The following NAALADL2 variants were observed in gnomAD, a reference collection of about 807,000 sequenced individuals.
NAALADL2 encodes inactive N-acetylated-alpha-linked acidic dipeptidase-like protein 2.
NAALADL2 carries 76 observed loss-of-function variants against 87.2 expected under a neutral mutation model. The observed-to-expected ratio is 0.87, with a 90% CI of 0.72 to 1.05. The LOEUF is 1.05. NAALADL2 is among the 50% of genes least tolerant of loss of function. The probability of loss-of-function intolerance (pLI) is 0.00; values close to 1 mark genes in which losing one functional copy is unlikely to be tolerated. For synonymous variants in NAALADL2, 354 were observed against 331.0 expected, an observed-to-expected ratio of 1.07 and a Z score of -0.75; for missense variants, 1,089 against 945.8, an observed-to-expected ratio of 1.15 and a Z score of -1.99.
intron 1 of NAALADL2, among the ~76,000 whole-genome samples, chr3:175,046,975 G>T (rs1029004171): frequency 4.6e-5 from 7 of 152,170 alleles, no homozygotes; most frequent in Non-Finnish European, 1.0e-4. Flanking sequence ...AGAAGATTCA[G>T]TGTCTGGCAA....
chr3:175,319,825 A>G (rs1251517162), intron 4 of NAALADL2, among the ~76,000 whole-genome samples: 1 of 152,210 alleles, frequency 6.6e-6, no homozygotes, highest in Non-Finnish European at 1.5e-5. Context: ...GTTTCAAAAA[A>G]TAAAAATAAA....
At chr3:174,726,686 C>T (rs1416119869) in intron 2 of NAALADL2, among the ~76,000 whole-genome samples, 1 of 152,060 alleles carries the variant, frequency 6.6e-6, no homozygotes, top group African/African-American at 2.4e-5. Context: ...TTCCTTCCTT[C>T]ATCATCAAAC....
intron 4 of NAALADL2, among the ~76,000 whole-genome samples, chr3:175,259,877 AAT>A (rs1750717663): frequency 6.6e-6 from 1 of 152,128 alleles, no homozygotes; most frequent in Non-Finnish European, 1.5e-5. Flanking sequence ...AAAATTCAAA[AAT>A]TAGCTGGGTG....
At chr3:175,411,888 G>C (rs763572143) in intron 5 of NAALADL2, among the ~76,000 whole-genome samples, 8 of 152,064 alleles carry the variant, frequency 5.3e-5, no homozygotes, top group Non-Finnish European at 1.2e-4. Context: ...TGTGAAGATT[G>C]CTTGCAAGAT....
chr3:174,654,860 T>C (rs552817513), intron 2 of NAALADL2, among the ~76,000 whole-genome samples: 363 of 152,184 alleles, frequency 2.4e-3, no homozygotes, highest in Non-Finnish European at 4.4e-3. Context: ...CTCAGCCTCC[T>C]GAGTATCTGG....
At chr3:175,256,694 T>C in intron 4 of NAALADL2, 164 bp downstream of exon 4, 1 of 510,728 alleles carries the variant, frequency 2.0e-6, no homozygotes, top group Non-Finnish European at 3.3e-6. Flanking sequence ...AAAGATGGCT[T>C]TTCCACATTA....
chr3:175,143,575 A>G (rs867532497), intron 2 of NAALADL2, among the ~76,000 whole-genome samples: 3 of 150,512 alleles, frequency 2.0e-5, no homozygotes, highest in Middle Eastern at 3.4e-3. Context: ...AAAAAAGACA[A>G]TGAAACTACC....
At chr3:174,909,419 A>T (rs1353664448) in intron 1 of NAALADL2, among the ~76,000 whole-genome samples, 1 of 152,114 alleles carries the variant, frequency 6.6e-6, no homozygotes, top group South Asian at 2.1e-4. Flanking sequence ...AGAGCACTCT[A>T]TACACACCAG....
At chr3:175,438,657 A>T (rs1193210226) in intron 5 of NAALADL2, among the ~76,000 whole-genome samples, 1 of 152,076 alleles carries the variant, frequency 6.6e-6, no homozygotes, top group African/African-American at 2.4e-5. Flanking sequence ...ATAATAAATT[A>T]TAATAGTTAA....
At chr3:174,608,395 A>T (rs1210777530) in intron 2 of NAALADL2, among the ~76,000 whole-genome samples, 1 of 152,032 alleles carries the variant, frequency 6.6e-6, no homozygotes, top group Admixed American at 6.6e-5. Flanking sequence ...TTTTGAAAGG[A>T]TCAACAAAAT....
intron 1 of NAALADL2, among the ~76,000 whole-genome samples, chr3:174,461,464 A>G (rs1316376161): frequency 8.4e-6 from 1 of 119,470 alleles, no homozygotes; most frequent in Non-Finnish European, 1.7e-5. Context: ...TTGCACCTTT[A>G]TCCCCCTTGA....
chr3:175,039,200 C>T (rs1024660353), intron 1 of NAALADL2, among the ~76,000 whole-genome samples: 2 of 152,120 alleles, frequency 1.3e-5, no homozygotes, highest in South Asian at 2.1e-4. Context: ...GAGTTTTGCT[C>T]TTGTAGCCCA....
chr3:175,100,164 T>C (rs986911028), intron 2 of NAALADL2, among the ~76,000 whole-genome samples: 21 of 152,102 alleles, frequency 1.4e-4, no homozygotes, highest in African/African-American at 4.8e-4. Context: ...CTACTGATGC[T>C]TCAGTTCCAG....
At chr3:174,476,645 A>G (rs756660473) in intron 1 of NAALADL2, among the ~76,000 whole-genome samples, 2 of 152,126 alleles carry the variant, frequency 1.3e-5, no homozygotes, top group African/African-American at 2.4e-5. Flanking sequence ...GAAATACTGT[A>G]TACATCTTTC....
At chr3:174,614,612 A>G (rs1720265661) in intron 2 of NAALADL2, among the ~76,000 whole-genome samples, 1 of 152,142 alleles carries the variant, frequency 6.6e-6, no homozygotes, top group South Asian at 2.1e-4. Flanking sequence ...TGTTTGTCCT[A>G]CCTCCTAAGT....
At chr3:175,655,903 G>A (rs192611754) in intron 11 of NAALADL2, among the ~76,000 whole-genome samples, 67 of 152,112 alleles carry the variant, frequency 4.4e-4, no homozygotes, top group African/African-American at 1.5e-3. Context: ...AAAGTAATAC[G>A]CCCTTTGTGC....
chr3:175,757,638 A>C (rs1002682924), intron 13 of NAALADL2, among the ~76,000 whole-genome samples: 2 of 152,128 alleles, frequency 1.3e-5, no homozygotes, highest in Non-Finnish European at 2.9e-5. Flanking sequence ...TTATTATAAT[A>C]AGAGATATGG....
chr3:174,659,750 C>T (rs532822107), intron 2 of NAALADL2, among the ~76,000 whole-genome samples: 6 of 152,252 alleles, frequency 3.9e-5, no homozygotes, highest in East Asian at 1.9e-4. Flanking sequence ...TAAATGGCAA[C>T]AAACCCATCT....
intron 1 of NAALADL2, among the ~76,000 whole-genome samples, chr3:175,015,927 G>C (rs930665425): frequency 6.6e-6 from 1 of 151,812 alleles, no homozygotes; most frequent in Non-Finnish European, 1.5e-5. Context: ...TTAATTGTTA[G>C]TTTGTTGACA....
Sources: allele counts gnomAD v4.1 joint callset (sites outside exome capture counted in the v4.1 genomes callset), GRCh38; gene constraint gnomAD v4.1.1; transcripts MANE v1.5; gene names NCBI Gene and HGNC (gene_info 2026-07-23, HGNC 2026-07-21).